Variants in ABRACL observed in about 807,000 individuals in gnomAD.
ABRACL encodes the protein ABRA C-terminal like.
In ABRACL, 4 loss-of-function variants were observed where a neutral mutation model predicts 7.0. The observed-to-expected ratio is 0.57, with a 90% CI of 0.28 to 1.30. The LOEUF is 1.30. Ranked by LOEUF, ABRACL falls within the 50% of genes most tolerant of loss-of-function variation. The pLI is 0.10. For synonymous variants in ABRACL, 30 were observed against 36.0 expected (o/e 0.83, Z 0.60); for missense variants, 104 against 97.3 (o/e 1.07, Z -0.29).
At chr6:139,033,424 C>G (rs1012266038) in intron 1 of ABRACL, among the ~76,000 whole-genome samples, 1 of 152,192 alleles carries the variant, frequency 6.6e-6, no homozygotes, top group Admixed American at 6.5e-5. Context: ...CTGGATTGAC[C>G]GGATGGTATT....
intron 2 of ABRACL, among the ~76,000 whole-genome samples, chr6:139,039,217 C>T (rs1786208162): frequency 6.9e-6 from 1 of 144,298 alleles, no homozygotes; most frequent in Admixed American, 7.4e-5. Context: ...AAGAAGGAAA[C>T]TCCATCTCAA....
rs142201543 is a variant in ABRACL at position 139,033,509 on chromosome 6, C to T, written c.-6-646C>T. Among the ~76,000 whole-genome samples, 341 of 152,318 alleles carry T rather than the reference C, an allele frequency of 2.2e-3. 4 individuals are homozygous for T. Among genetic ancestry groups the T allele is most frequent in the African/African-American group, 7.6e-3 (314 of 41,576 alleles). On this transcript the variant is annotated intron_variant, in intron 1 of 2. Coordinates refer to ENST00000367660, the MANE Select transcript of ABRACL (RefSeq NM_021243.3). ...GAAGGGCAGGGAGTGTTTGTCAGTT[C>T]ATTCTGGGGTGCCCAGCCCCCAGCT...
At chr6:139,042,681 G>C (rs772751794) in intron 2 of ABRACL, 38 bp from the exon 3 acceptor site, 6 of 1,579,172 alleles carry the variant, frequency 3.8e-6, no homozygotes, top group Non-Finnish European at 5.2e-6. Flanking sequence ...GTATGAAACA[G>C]ACTTTGCATT....
At chr6:139,039,712 A>G (rs1786216297) in intron 2 of ABRACL, among the ~76,000 whole-genome samples, 1 of 152,210 alleles carries the variant, frequency 6.6e-6, no homozygotes, top group South Asian at 2.1e-4. Context: ...ATGCAGTGAT[A>G]TGGCAGAAGA....
chr6:139,036,512 A>C (rs1180821721), intron 2 of ABRACL, among the ~76,000 whole-genome samples: 1 of 152,196 alleles, frequency 6.6e-6, no homozygotes, highest in Non-Finnish European at 1.5e-5. Context: ...ATGATAAATG[A>C]GGCATATTAA....
At chr6:139,037,125 T>C (rs564467958) in intron 2 of ABRACL, among the ~76,000 whole-genome samples, 1 of 152,274 alleles carries the variant, frequency 6.6e-6, no homozygotes, top group Admixed American at 6.5e-5. Context: ...GGGCACTCAA[T>C]GAAGTCTTGC....
Position 139,043,062 on chromosome 6 carries a change from G to GTT in ABRACL, c.*159_*160insTT. On this transcript the variant is annotated 3_prime_UTR_variant, in exon 3 of 3. Coordinates refer to ENST00000367660, the MANE Select transcript of ABRACL (RefSeq NM_021243.3). ...AGAAGTCTGTCCTTTTTTATATCTTGAAAGAAAATCTATGTATGATGCTAT... is the reference window on the plus strand; with the variant it reads ...AGAAGTCTGTCCTTTTTTATATCTTGTTAAAGAAAATCTATGTATGATGCTAT... The GTT allele has an allele frequency of 1.9e-6, 1 of 537,338 alleles. No individual in the cohort carries two copies. The highest frequency in any genetic ancestry group is 3.0e-6 in the Non-Finnish European group (1 of 332,412). The allele number at this position is 537,338 out of a possible 1,614,324, so 33.3% of individuals were successfully genotyped here. A position where few individuals can be genotyped will look rare whatever the true frequency, so the allele number is the denominator to read the frequency against.
chr6:139,030,253 C>T (rs910456551), intron 1 of ABRACL, among the ~76,000 whole-genome samples: 1 of 152,016 alleles, frequency 6.6e-6, no homozygotes. Context: ...TATCCATCAC[C>T]CTAAATATTT....
At position 139,029,684 on chromosome 6, in the gene ABRACL, T is replaced by C. The variant is rs185504504; in HGVS notation, c.-7+809T>C. On this transcript the variant is annotated intron_variant, in intron 1 of 2. Coordinates refer to ENST00000367660, the MANE Select transcript of ABRACL (RefSeq NM_021243.3). Reference sequence around the variant, plus strand: ...AAGCTGGTAGCAGAATGGCCAAATATGGAGTGAGCGCGCCCCAGACCGGAG... The same window carrying C: ...AAGCTGGTAGCAGAATGGCCAAATACGGAGTGAGCGCGCCCCAGACCGGAG... Among the ~76,000 whole-genome samples, 325 of 152,082 alleles carry C rather than the reference T, an allele frequency of 2.1e-3. 3 individuals carry two copies. Among genetic ancestry groups the C allele is most frequent in the African/African-American group, 7.4e-3 (309 of 41,492 alleles).
chr6:139,043,142 GA>G lies in ABRACL; in HGVS notation c.*240del. 1 of 321,904 alleles carries G rather than the reference GA, an allele frequency of 3.1e-6. No homozygotes were observed. Among genetic ancestry groups the G allele is most frequent in the East Asian group, 5.1e-5 (1 of 19,472 alleles). 19.9% of individuals were successfully genotyped at this position (321,904 alleles called of 1,614,324 possible). A position where few individuals can be genotyped will look rare whatever the true frequency, so the allele number is the denominator to read the frequency against. On this transcript the variant is annotated 3_prime_UTR_variant, in exon 3 of 3. Coordinates refer to ENST00000367660, the MANE Select transcript of ABRACL (RefSeq NM_021243.3). The stretch of plus-strand genomic sequence containing the variant: ...TCTGGTTAGGAATTGCAGGCAATGA[GA>G]TTTTTTGCGGGGCAGGGATGGGAAT...
chr6:139,030,779 G>C (rs1376427603), intron 1 of ABRACL, among the ~76,000 whole-genome samples: 3 of 152,138 alleles, frequency 2.0e-5, no homozygotes, highest in Non-Finnish European at 4.4e-5. Context: ...ACCACGATGT[G>C]GTAGAGACAG....
chr6:139,036,455 T>C, intron 2 of ABRACL, among the ~76,000 whole-genome samples: 1 of 152,184 alleles, frequency 6.6e-6, no homozygotes, highest in East Asian at 1.9e-4. Context: ...TTAGTCACTC[T>C]ATTTCTATAT....
In ABRACL at chr6:139,034,066, G is replaced by C. The variant is rs928405399; in HGVS notation, c.-6-89G>C. The C allele has an allele frequency of 4.6e-6, 7 of 1,529,030 alleles. No individual in the cohort carries two copies. In the Admixed American group the frequency reaches 1.0e-4, roughly 23 times the overall value. The allele number at this position is 1,529,030 out of a possible 1,614,324, so 94.7% of individuals were successfully genotyped here. A position where few individuals can be genotyped will look rare whatever the true frequency, so the allele number is the denominator to read the frequency against. On this transcript the variant is annotated intron_variant, in intron 1 of 2. Coordinates refer to ENST00000367660, the MANE Select transcript of ABRACL (RefSeq NM_021243.3). ...ATGGTAAATTAATAGTGACAGACGC[G>C]ACCTGAACAAGACAAAGGGCTCTTG...
At chr6:139,030,266 CTCT>C (rs1786061685) in intron 1 of ABRACL, among the ~76,000 whole-genome samples, 1 of 151,994 alleles carries the variant, frequency 6.6e-6, no homozygotes, top group Non-Finnish European at 1.5e-5. Context: ...AAATATTTAT[CTCT>C]TCTTTATGCT....
At chr6:139,030,436 T>C (rs1460132838) in intron 1 of ABRACL, among the ~76,000 whole-genome samples, 1 of 152,204 alleles carries the variant, frequency 6.6e-6, no homozygotes, top group Non-Finnish European at 1.5e-5. Flanking sequence ...TTCATTGTTC[T>C]TCATCTTGCT....
chr6:139,041,415 C>A (rs1786241408), intron 2 of ABRACL, among the ~76,000 whole-genome samples: 1 of 142,012 alleles, frequency 7.0e-6, no homozygotes, highest in Admixed American at 7.1e-5. Flanking sequence ...AGGTGCATTC[C>A]ACCAGACCCA....
intron 1 of ABRACL, among the ~76,000 whole-genome samples, chr6:139,031,963 C>CTT (rs58012169): frequency 1.4e-5 from 2 of 141,252 alleles, no homozygotes; most frequent in African/African-American, 5.2e-5. Flanking sequence ...TTTTTTCCCA[C>CTT]TTTTTTTTTT....
At chr6:139,032,165 C>T (rs1582898681) in intron 1 of ABRACL, among the ~76,000 whole-genome samples, 2 of 152,036 alleles carry the variant, frequency 1.3e-5, no homozygotes, top group East Asian at 1.9e-4. Flanking sequence ...GGGGTTTCAC[C>T]GTGTTAGCCA....
intron 1 of ABRACL, among the ~76,000 whole-genome samples, chr6:139,030,204 ATG>A (rs1386119027): frequency 2.0e-5 from 3 of 152,062 alleles, no homozygotes; most frequent in Admixed American, 6.5e-5. Context: ...ACTCGTGAGA[ATG>A]TGTTACATTC....
Sources: allele counts gnomAD v4.1 joint callset (sites outside exome capture counted in the v4.1 genomes callset), GRCh38; gene constraint gnomAD v4.1.1; transcripts MANE v1.5; gene names NCBI Gene and HGNC (gene_info 2026-07-23, HGNC 2026-07-21).